The following PYY variants were observed in gnomAD, a reference collection of about 807,000 sequenced individuals.
The protein encoded by PYY is peptide YY.
In PYY, 12 loss-of-function variants were observed where a neutral mutation model predicts 10.3. The ratio of observed to expected loss-of-function variants is 1.17; its 90% confidence interval spans 0.75 to 1.89. The LOEUF (loss-of-function observed/expected upper bound fraction) is 1.89. Among genes scored for constraint, PYY ranks in the 40% most tolerant of loss-of-function variants. The pLI, the probability that PYY is intolerant of heterozygous loss-of-function variation, is 0.00. For synonymous variants in PYY, 66 were observed against 62.0 expected (o/e 1.06, Z -0.30); for missense variants, 141 against 134.0 (o/e 1.05, Z -0.26).
intron 1 of PYY, among the ~76,000 whole-genome samples, chr17:43,979,565 C>A (rs1159663000): frequency 6.6e-6 from 1 of 151,870 alleles, no homozygotes; most frequent in African/African-American, 2.4e-5. Flanking sequence ...GTAGTCCCAG[C>A]TACTCAGGAG....
chr17:43,959,456 G>A (rs761358542), intron 2 of PYY, among the ~76,000 whole-genome samples: 2 of 152,318 alleles, frequency 1.3e-5, no homozygotes, highest in South Asian at 2.1e-4. Context: ...AGACCAAGGC[G>A]GGCGGATCAC....
intron 2 of PYY, 53 bp from the exon 3 acceptor site, chr17:43,953,242 G>A: frequency 6.2e-7 from 1 of 1,609,308 alleles, no homozygotes; most frequent in East Asian, 2.2e-5. Context: ...CCCCCAGGTG[G>A]AGCGGGGCCG....
At chr17:43,984,625 C>T (rs187526750) in intron 1 of PYY, among the ~76,000 whole-genome samples, 1 of 152,284 alleles carries the variant, frequency 6.6e-6, no homozygotes, top group Non-Finnish European at 1.5e-5. Flanking sequence ...CTGTCTGAAC[C>T]CAGAGTCTGC....
In PYY at chr17:43,987,346, C is replaced by T. The variant is rs1170728639; in HGVS notation, c.-463+17045G>A. Among the ~76,000 whole-genome samples the T allele has an allele frequency of 6.6e-6, 1 of 152,184 alleles. No individual in the cohort carries two copies. Among genetic ancestry groups the T allele is most frequent in the Non-Finnish European group, 1.5e-5 (1 of 68,032 alleles). On this transcript the variant is annotated intron_variant, in intron 1 of 6. Transcript: ENST00000360085. This position sits in a 1 kb window ranked among gnomAD's most constrained non-coding sequence, Gnocchi z 4.0. ...GAGCTTCATCAGAAGCAGCTGCCTC[C>T]AGGACTCTAGCCCTGTCTCCCCAGC... is the stretch of plus-strand genomic sequence containing the variant.
At chr17:43,971,018 G>A (rs76030304) in intron 1 of PYY, among the ~76,000 whole-genome samples, 2,061 of 152,194 alleles carry the variant, frequency 0.014, 50 homozygotes, top group African/African-American at 0.047. Flanking sequence ...TGAATAAAGC[G>A]GCTATAAACA....
At chr17:44,004,238 C>T (rs2143977018) in intron 1 of PYY, among the ~76,000 whole-genome samples, 1 of 142,054 alleles carries the variant, frequency 7.0e-6, no homozygotes, top group South Asian at 2.5e-4. Flanking sequence ...CCCCCGCCCT[C>T]CCACTGCCCC....
At position 43,953,140 on chromosome 17, in the gene PYY, G is replaced by T; in HGVS notation, c.238C>A (p.Pro80Thr). The T allele has an allele frequency of 6.2e-7, 1 of 1,614,018 alleles. No homozygotes were observed. Among genetic ancestry groups the T allele is most frequent in the Non-Finnish European group, 8.5e-7 (1 of 1,179,898 alleles). The change falls in exon 3 of 4, where the codon CCC (proline) becomes ACC (threonine). Residue 80 changes from proline to threonine, a missense_variant. Transcript: ENST00000692052. ...PDTLLSKTFF[P>T]DGEDRPVRSR... Reference sequence around the variant, plus strand: ...CTGACGGGGCGGTCCTCGCCGTCGGGGAAGAACGTTTTGGAAAGAAGCGTG... The same window carrying T: ...CTGACGGGGCGGTCCTCGCCGTCGGTGAAGAACGTTTTGGAAAGAAGCGTG...
chr17:43,970,081 G>A (rs999981009), intron 1 of PYY, among the ~76,000 whole-genome samples: 10 of 151,572 alleles, frequency 6.6e-5, no homozygotes, highest in African/African-American at 2.4e-4. Flanking sequence ...GGTGCCTGTA[G>A]TCTCAGCTAC....
In PYY at chr17:43,953,463, C is replaced by T. The variant is rs2048648942; in HGVS notation, c.21G>A (p.Pro7=). MVFVRR[P]WPALTTVLLA... ...GAAGCACTGTGGTCAAGGCGGGCCA[C>T]GGCCTGCGCACGAACACCATCTGGG... The change falls in exon 2 of 4, where the codon CCG becomes CCA. Residue 7 remains proline (P), a synonymous_variant. Transcript: ENST00000692052. The T allele has an allele frequency of 4.4e-6, 7 of 1,604,094 alleles. No homozygotes were observed. Among genetic ancestry groups the T allele is most frequent in the Non-Finnish European group, 5.1e-6 (6 of 1,174,426 alleles).
chr17:43,964,541 G>A (rs1348291667), intron 2 of PYY, among the ~76,000 whole-genome samples: 4 of 152,120 alleles, frequency 2.6e-5, no homozygotes, highest in South Asian at 2.1e-4. Flanking sequence ...ACCTGAGGTC[G>A]GGAGTTTGAG....
chr17:43,999,944 G>GCTGT (rs762554416), intron 1 of PYY, among the ~76,000 whole-genome samples: 8 of 151,394 alleles, frequency 5.3e-5, no homozygotes, highest in Non-Finnish European at 1.0e-4. Context: ...TGACACCTGT[G>GCTGT]CTGTCCATCT....
At chr17:43,965,789 CAAA>C (rs67609128) in intron 2 of PYY, among the ~76,000 whole-genome samples, 218 of 31,838 alleles carry the variant, frequency 6.8e-3, no homozygotes, top group African/African-American at 0.02. Context: ...ATCCATCTCA[CAAA>C]AAAAAAAAAA....
intron 2 of PYY, among the ~76,000 whole-genome samples, chr17:43,965,559 G>A (rs1158245021): frequency 2.0e-5 from 3 of 151,134 alleles, no homozygotes; most frequent in Admixed American, 1.3e-4. Context: ...GGAGGCCAAG[G>A]CAGGCGGATC....
chr17:43,970,916 C>A (rs559192524), intron 1 of PYY, among the ~76,000 whole-genome samples: 1 of 152,256 alleles, frequency 6.6e-6, no homozygotes, highest in South Asian at 2.1e-4. Context: ...CTTTTTCTTG[C>A]TGAATAGTAA....
intron 1 of PYY, among the ~76,000 whole-genome samples, chr17:43,988,744 T>C (rs1166136213): frequency 6.8e-6 from 1 of 146,670 alleles, no homozygotes; most frequent in Non-Finnish European, 1.5e-5. Flanking sequence ...TAGCTTTTTT[T>C]TTTCTTTTTC....
intron 1 of PYY, among the ~76,000 whole-genome samples, chr17:43,995,014 C>T (rs2048981940): frequency 6.6e-6 from 1 of 152,200 alleles, no homozygotes. Flanking sequence ...GGACCCCACG[C>T]GGCCAGTCCG....
At chr17:43,953,013 G>A in intron 3 of PYY, 33 bp from the exon 4 acceptor site, 1 of 1,584,448 alleles carries the variant, frequency 6.3e-7, no homozygotes, top group African/African-American at 1.3e-5. Flanking sequence ...ATTGGATCTG[G>A]GGAGGCGAGC....
At chr17:43,957,163 A>AC (rs372233121), upstream of PYY, among the ~76,000 whole-genome samples, 281 of 147,066 alleles carry the variant, frequency 1.9e-3, 2 homozygotes, top group African/African-American at 7.0e-3. Context: ...GCGCCACTGT[A>AC]CTCCAGCCTG....
At chr17:43,956,823 A>G (rs1309334822), upstream of PYY, among the ~76,000 whole-genome samples, 2 of 152,160 alleles carry the variant, frequency 1.3e-5, no homozygotes, top group South Asian at 2.1e-4. Flanking sequence ...ATCACCATGC[A>G]CTGTGTGGCA....
Sources: gnomAD v4.1 joint callset for allele counts (sites outside exome capture counted in the v4.1 genomes callset) on GRCh38, gnomAD v4.1.1 for gene constraint, Gnocchi (gnomAD v3.1) non-coding constraint, MANE v1.5 for transcripts, NCBI Gene and HGNC (gene_info 2026-07-23, HGNC 2026-07-21) for gene names.